Variants in NR1I2 observed in about 807,000 individuals in gnomAD.
NR1I2 encodes the protein nuclear receptor subfamily 1 group I member 2, also known as orphan nuclear receptor PAR1.
In NR1I2, 42 loss-of-function variants were observed where a neutral mutation model predicts 43.3. The ratio of observed to expected loss-of-function variants is 0.97; its 90% CI spans 0.76 to 1.26. The LOEUF is 1.26. Ranked by LOEUF, NR1I2 falls within the 50% of genes most tolerant of loss-of-function variation. NR1I2 has a pLI of 0.00. For missense variants in NR1I2, 559 were observed against 566.7 expected, an observed-to-expected ratio of 0.99 and a Z score of 0.14; for synonymous variants, 229 against 215.0, an observed-to-expected ratio of 1.06 and a Z score of -0.57.
intron 1 of NR1I2, among the ~76,000 whole-genome samples, chr3:119,794,339 C>T (rs1012032229): frequency 3.3e-5 from 5 of 151,712 alleles, no homozygotes; most frequent in African/African-American, 7.3e-5. Flanking sequence ...ACCACAGGTA[C>T]GTGCCACCAC....
chr3:119,813,453 G>A (rs574184232), intron 5 of NR1I2, among the ~76,000 whole-genome samples: 22 of 152,302 alleles, frequency 1.4e-4, no homozygotes, highest in Non-Finnish European at 2.5e-4. Flanking sequence ...ACAACCATCG[G>A]GCAACTGGGG....
At chr3:119,798,553 T>C (rs997877927) in intron 1 of NR1I2, among the ~76,000 whole-genome samples, 4 of 147,310 alleles carry the variant, frequency 2.7e-5, no homozygotes, top group Non-Finnish European at 5.9e-5. Flanking sequence ...GGCAGGAGAA[T>C]GGCGTGAACC....
chr3:119,807,147 T>C (rs1048793908), intron 1 of NR1I2, 82 bp from the exon 2 acceptor site: 1 of 1,249,938 alleles, frequency 8.0e-7, no homozygotes, highest in Non-Finnish European at 1.2e-6. Flanking sequence ...GAGTGATGCA[T>C]AGAAGGGACA....
intron 1 of NR1I2, among the ~76,000 whole-genome samples, chr3:119,789,666 CT>C (rs925310485): frequency 2.0e-5 from 3 of 152,138 alleles, no homozygotes; most frequent in African/African-American, 7.2e-5. Flanking sequence ...TGTTTCCTTT[CT>C]TTCTGCTGCT....
intron 3 of NR1I2, 34 bp from the exon 4 acceptor site, chr3:119,811,505 A>T (rs777013803): frequency 7.6e-6 from 12 of 1,583,086 alleles, no homozygotes; most frequent in African/African-American, 1.3e-5. Context: ...CACCAGGGGC[A>T]CGTGTGCCTG....
chr3:119,807,545 G>T (rs927800840), intron 2 of NR1I2, 98 bp downstream of exon 2: 22 of 1,086,078 alleles, frequency 2.0e-5, no homozygotes, highest in Non-Finnish European at 2.8e-6. Context: ...TTCAGAGTGT[G>T]GGCTGGTGGC....
chr3:119,812,739 A>G lies in NR1I2; in HGVS notation c.573A>G (p.Pro191=). The G allele has an allele frequency of 6.2e-7, 1 of 1,614,186 alleles. No homozygotes were observed. Among genetic ancestry groups the G allele is most frequent in the Non-Finnish European group, 8.5e-7 (1 of 1,180,036 alleles). Residue 191 remains proline (P), a synonymous_variant, in exon 5 of 9, where the codon CCA becomes CCG. Transcript: ENST00000393716. Reference sequence around the variant, plus strand: ...AGTTGCCAGAGTCTCTGCAGGCCCCATCGAGGGAAGAAGCTGCCAAGTGGA... The same window carrying G: ...AGTTGCCAGAGTCTCTGCAGGCCCCGTCGAGGGAAGAAGCTGCCAAGTGGA...
Position 119,812,928 on chromosome 3 carries a change from C to G in NR1I2, c.762C>G (p.Ile254Met), listed in dbSNP as rs1222625969. Reference sequence around the variant, plus strand: ...TGTCAACCTACATGTTCAAAGGCATCATCAGCTTTGCCAAAGTCATCTCCT... The same window carrying G: ...TGTCAACCTACATGTTCAAAGGCATGATCAGCTTTGCCAAAGTCATCTCCT... Residue 254 changes from isoleucine to methionine, a missense_variant, in exon 5 of 9, where the codon ATC becomes ATG. Coordinates refer to ENST00000393716, the MANE Select transcript of NR1I2 (RefSeq NM_003889.4). The G allele has an allele frequency of 6.2e-7, 1 of 1,613,904 alleles. No individual in the cohort carries two copies. Among genetic ancestry groups the G allele is most frequent in the Admixed American group, 1.7e-5 (1 of 60,014 alleles).
At chr3:119,782,959 C>A (rs1337211541) in intron 1 of NR1I2, 16 of 898,122 alleles carry the variant, frequency 1.8e-5, no homozygotes, top group African/African-American at 3.3e-5. Context: ...ACTTTACAGC[C>A]CAGCTCGGCT....
At chr3:119,791,852 G>T in intron 1 of NR1I2, 1 of 566,990 alleles carries the variant, frequency 1.8e-6, no homozygotes, top group Non-Finnish European at 3.4e-6. Flanking sequence ...CCATCGGCAA[G>T]TTTGGACTGG....
At chr3:119,802,819 G>A (rs550724951) in intron 1 of NR1I2, 1 of 454,092 alleles carries the variant, frequency 2.2e-6, no homozygotes, top group South Asian at 1.6e-5. Context: ...TATCTGGTGT[G>A]TAGTAGATGC....
In NR1I2 at chr3:119,807,311, G is replaced by A; in HGVS notation, c.61G>A (p.Glu21Lys). ...TGACTTTGTACACTGTGAGGACACAGAGTCTGTTCCTGGAAAGCCCAGTGT... is the reference window on the plus strand; with the variant it reads ...TGACTTTGTACACTGTGAGGACACAAAGTCTGTTCCTGGAAAGCCCAGTGT... The change falls in exon 2 of 9, where the codon GAG (glutamate) becomes AAG (lysine). Residue 21 changes from glutamate to lysine, a missense_variant. By Grantham distance (56) the Glu-to-Lys change is moderately conservative (BLOSUM62 1). Transcript: ENST00000393716. 6.2e-7 allele frequency: 1 copy of A among 1,614,256 alleles called. No homozygotes were observed. The highest frequency in any genetic ancestry group is 8.5e-7 in the Non-Finnish European group (1 of 1,180,042).
chr3:119,810,425 G>C, intron 3 of NR1I2: 1 of 615,126 alleles, frequency 1.6e-6, no homozygotes, highest in East Asian at 2.8e-5. Flanking sequence ...GATGTGTGCT[G>C]GGCAGCCCTG....
At position 119,807,386 on chromosome 3, in the gene NR1I2, G is replaced by T. The variant is rs757293919; in HGVS notation, c.136G>T (p.Asp46Tyr). 1 of 1,614,204 alleles carries T rather than the reference G, an allele frequency of 6.2e-7. No homozygotes were observed. The highest frequency in any genetic ancestry group is 1.1e-5 in the South Asian group (1 of 91,074). Reference sequence around the variant, plus strand: ...TCCCCAAATCTGCCGTGTATGTGGGGACAAGGCCACTGGCTATCACTTCAA... The same window carrying T: ...TCCCCAAATCTGCCGTGTATGTGGGTACAAGGCCACTGGCTATCACTTCAA... The change falls in exon 2 of 9, where the codon GAC becomes TAC. Residue 46 changes from aspartate to tyrosine, a missense_variant. By Grantham distance (160) the Asp-to-Tyr change is radical. Around this residue, in one of 3 missense-constraint regions of NR1I2, gnomAD observed 232 missense variants for 236.6 expected, o/e 0.98. Transcript: ENST00000393716.
At chr3:119,815,205 G>C (rs2055306447) in intron 6 of NR1I2, 84 bp downstream of exon 6, 2 of 1,596,246 alleles carry the variant, frequency 1.3e-6, no homozygotes, top group Non-Finnish European at 1.7e-6. Flanking sequence ...AGGATATGCA[G>C]GTTCTGGGAT....
chr3:119,805,717 C>CCCCAAAAA (rs561350711), intron 1 of NR1I2, among the ~76,000 whole-genome samples: 1 of 96,622 alleles, frequency 1.0e-5, no homozygotes, highest in Admixed American at 1.3e-4. Context: ...TCCCCCCCAC[C>CCCCAAAAA]AAAAAAAAAA....
Position 119,807,325 on chromosome 3 carries a change from A to G in NR1I2, c.75A>G (p.Gly25=), listed in dbSNP as rs2055175435. The change falls in exon 2 of 9, where the codon GGA becomes GGG. Residue 25 remains glycine (G), a synonymous_variant. Transcript: ENST00000393716. ...GTGAGGACACAGAGTCTGTTCCTGGAAAGCCCAGTGTCAACGCAGATGAGG... is the reference window on the plus strand; with the variant it reads ...GTGAGGACACAGAGTCTGTTCCTGGGAAGCCCAGTGTCAACGCAGATGAGG... 1 of 1,614,124 alleles carries G rather than the reference A, an allele frequency of 6.2e-7. No homozygotes were observed. Among genetic ancestry groups the G allele is most frequent in the South Asian group, 1.1e-5 (1 of 91,090 alleles).
chr3:119,809,961 A>G, intron 2 of NR1I2, 100 bp from the exon 3 acceptor site: 1 of 1,476,052 alleles, frequency 6.8e-7, no homozygotes, highest in Admixed American at 1.8e-5. Flanking sequence ...CCCCTCCCCG[A>G]GTCGGTAGGG....
chr3:119,815,664 T>G lies in NR1I2; in HGVS notation c.1055-62T>G. 2.1e-6 allele frequency: 3 copies of G among 1,437,212 alleles called. No individual in the cohort carries two copies. In the South Asian group the frequency reaches 3.6e-5, roughly 17 times the overall value. The allele number at this position is 1,437,212 out of a possible 1,614,324, so 89.0% of individuals were successfully genotyped here. On this transcript the variant is annotated intron_variant, in intron 7 of 8. Coordinates refer to ENST00000393716, the MANE Select transcript of NR1I2 (RefSeq NM_003889.4). ...GGTGGTTGGCGAGCAATGCCCTGAC[T>G]CTGGGCTGGACTGAGCTTGTCTTTG... is the stretch of plus-strand genomic sequence containing the variant.
Sources: gnomAD v4.1 joint callset for allele counts (sites outside exome capture counted in the v4.1 genomes callset) on GRCh38, gnomAD v4.1.1 for gene constraint, gnomAD v4.1.1 regional missense constraint, MANE v1.5 for transcripts, NCBI Gene and HGNC (gene_info 2026-07-23, HGNC 2026-07-21) for gene names.